The following RCAN1 variants were observed in gnomAD, a reference collection of about 807,000 sequenced individuals.
RCAN1 encodes calcipressin-1.
In RCAN1, 11 loss-of-function variants were observed where a neutral mutation model predicts 22.9. The observed-to-expected ratio is 0.48, with a 90% CI of 0.30 to 0.79. RCAN1 has a LOEUF of 0.79. Among genes scored for constraint, RCAN1 ranks in the 30% least tolerant of loss-of-function variants. The pLI is 0.06. For missense variants in RCAN1, 291 were observed against 337.8 expected, an observed-to-expected ratio of 0.86 and a Z score of 1.09; for synonymous variants, 136 against 142.3, an observed-to-expected ratio of 0.96 and a Z score of 0.32.
At chr21:34,611,021 G>GA (rs1226396976) in intron 1 of RCAN1, among the ~76,000 whole-genome samples, 4 of 151,662 alleles carry the variant, frequency 2.6e-5, no homozygotes, top group Non-Finnish European at 5.9e-5. Flanking sequence ...TCAGACAACT[G>GA]AAAAAAGGGT....
intron 3 of RCAN1, 56 bp downstream of exon 3, chr21:34,521,443 G>A (rs1192621701): frequency 6.2e-7 from 1 of 1,612,048 alleles, no homozygotes; most frequent in Non-Finnish European, 8.5e-7. Flanking sequence ...GCTCCCTGGT[G>A]CAGGGCAGCA....
chr21:34,526,392 A>G (rs1456822097), intron 1 of RCAN1, among the ~76,000 whole-genome samples: 8 of 152,242 alleles, frequency 5.3e-5, no homozygotes, highest in Non-Finnish European at 2.9e-5. Flanking sequence ...CATACACAGA[A>G]TGAAAAACAC....
chr21:34,606,330 C>T (rs889258018), intron 1 of RCAN1, among the ~76,000 whole-genome samples: 6 of 152,180 alleles, frequency 3.9e-5, no homozygotes, highest in African/African-American at 1.4e-4. Context: ...CTGCCTGCTG[C>T]ACCCTTGCAA....
At chr21:34,539,595 A>G (rs547686392) in intron 1 of RCAN1, among the ~76,000 whole-genome samples, 2 of 152,204 alleles carry the variant, frequency 1.3e-5, no homozygotes, top group Non-Finnish European at 2.9e-5. Context: ...CCCTCACTAG[A>G]TGCTATATAT....
intron 1 of RCAN1, among the ~76,000 whole-genome samples, chr21:34,583,146 G>A (rs78488624): frequency 0.013 from 1,947 of 150,210 alleles, 43 homozygotes; most frequent in East Asian, 0.091. Context: ...CATCAGTACC[G>A]TAGAACTGGA....
In RCAN1 at chr21:34,521,463, C is replaced by G. The variant is rs750197143; in HGVS notation, c.586+36G>C. 2.5e-6 allele frequency: 4 copies of G among 1,613,220 alleles called. No individual in the cohort carries two copies. The African/African-American group carries it at 4.0e-5, about 16-fold the overall frequency. On this transcript the variant is annotated intron_variant, in intron 3 of 3. Coordinates refer to ENST00000313806, the MANE Select transcript of RCAN1 (RefSeq NM_004414.7). ...CTGGTGCAGGGCAGCAGCTGTGTCT[C>G]CCCCTGCCTCCCTCCCACCCGAGGG...
intron 1 of RCAN1, among the ~76,000 whole-genome samples, chr21:34,553,833 C>A (rs955038337): frequency 6.6e-6 from 1 of 152,040 alleles, no homozygotes; most frequent in Non-Finnish European, 1.5e-5. Flanking sequence ...CTTTTCAGAC[C>A]AAAGAGAGGT....
intron 1 of RCAN1, among the ~76,000 whole-genome samples, chr21:34,555,844 C>T (rs1468921796): frequency 2.0e-5 from 3 of 151,484 alleles, no homozygotes; most frequent in Non-Finnish European, 1.5e-5. Context: ...AGGTGGATCA[C>T]GAGGTCCAGG....
chr21:34,610,270 G>A (rs752937614), intron 1 of RCAN1, among the ~76,000 whole-genome samples: 7 of 152,204 alleles, frequency 4.6e-5, no homozygotes, highest in Non-Finnish European at 7.3e-5. Context: ...AATTGCTTTC[G>A]AATGATGTCC....
chr21:34,612,864 A>C (rs553213193), intron 1 of RCAN1, among the ~76,000 whole-genome samples: 1 of 152,284 alleles, frequency 6.6e-6, no homozygotes, highest in South Asian at 2.1e-4. Flanking sequence ...CCAGCTCTTC[A>C]ACAAAACCCC....
rs569658691 is a variant in RCAN1 at position 34,611,063 on chromosome 21, C to T, written c.252+3697G>A. 3.3e-5 allele frequency among the ~76,000 whole-genome samples: 5 copies of T among 152,242 alleles called. No homozygotes were observed. The South Asian group carries it at 1.0e-3, about 32-fold the overall frequency. ...TTCCATTACTATACGGAACTATATT[C>T]ACTGCTTGGAAATGAACGGAATATT... On this transcript the variant is annotated intron_variant, in intron 1 of 3. Transcript: ENST00000313806.
chr21:34,525,330 T>C (rs1984965005), intron 1 of RCAN1: 1 of 1,516,118 alleles, frequency 6.6e-7, no homozygotes, highest in Admixed American at 2.1e-5. Context: ...TTCTTCAGTT[T>C]AGGGACATTT....
rs1988758914 is a variant in RCAN1, at chr21:34,614,312, G to A, written c.252+448C>T. 1.0e-6 allele frequency: 1 copy of A among 990,438 alleles called. No homozygotes were observed. Among genetic ancestry groups the A allele is most frequent in the Non-Finnish European group, 1.2e-6 (1 of 833,458 alleles). The allele number at this position is 990,438 out of a possible 1,614,324, so 61.4% of individuals were successfully genotyped here. Reference sequence around the variant, plus strand: ...GGCTTTTCTTCCAATAGTGCAGATTGGGAATGCAGGGACGTCGTCCTATTT... The same window carrying A: ...GGCTTTTCTTCCAATAGTGCAGATTAGGAATGCAGGGACGTCGTCCTATTT... On this transcript the variant is annotated intron_variant, in intron 1 of 3. Coordinates refer to ENST00000313806, the MANE Select transcript of RCAN1 (RefSeq NM_004414.7). The surrounding 1 kb of genome is among the most constrained non-coding windows in gnomAD (Gnocchi z 6.0).
At chr21:34,551,817 T>C (rs573244974) in intron 1 of RCAN1, among the ~76,000 whole-genome samples, 1 of 152,198 alleles carries the variant, frequency 6.6e-6, no homozygotes, top group Admixed American at 6.5e-5. Flanking sequence ...GAATGAAGAC[T>C]TAGGAATAGC....
At chr21:34,528,079 T>C (rs1985177495) in intron 1 of RCAN1, among the ~76,000 whole-genome samples, 1 of 152,180 alleles carries the variant, frequency 6.6e-6, no homozygotes, top group Non-Finnish European at 1.5e-5. Context: ...TCCAATTTTA[T>C]TATCACCTAA....
chr21:34,597,936 A>G (rs1364227427), intron 1 of RCAN1, among the ~76,000 whole-genome samples: 1 of 152,234 alleles, frequency 6.6e-6, no homozygotes, highest in Non-Finnish European at 1.5e-5. Context: ...TTAAATTTAC[A>G]TAAAAATGTT....
intron 1 of RCAN1, among the ~76,000 whole-genome samples, chr21:34,543,020 A>G (rs1478385871): frequency 6.6e-6 from 1 of 152,218 alleles, no homozygotes; most frequent in African/African-American, 2.4e-5. Context: ...ATCTGTAAAG[A>G]GGATAATCAC....
intron 1 of RCAN1, among the ~76,000 whole-genome samples, chr21:34,550,085 T>C (rs1986310248): frequency 6.6e-6 from 1 of 152,172 alleles, no homozygotes; most frequent in African/African-American, 2.4e-5. Flanking sequence ...GACACCCTCG[T>C]TGTATTTCTA....
At chr21:34,576,653 C>T (rs1987419596) in intron 1 of RCAN1, among the ~76,000 whole-genome samples, 1 of 152,204 alleles carries the variant, frequency 6.6e-6, no homozygotes, top group East Asian at 1.9e-4. Context: ...CTGGAGAAGT[C>T]TGAACATTTT....
Sources: gnomAD v4.1 joint callset for allele counts (sites outside exome capture counted in the v4.1 genomes callset) on GRCh38, gnomAD v4.1.1 for gene constraint, Gnocchi (gnomAD v3.1) non-coding constraint, MANE v1.5 for transcripts, NCBI Gene and HGNC (gene_info 2026-07-23, HGNC 2026-07-21) for gene names.